ZNF585B: variants seen among roughly 807,000 people sequenced by gnomAD.
ZNF585B encodes zinc finger protein 585B.
In ZNF585B, 7 loss-of-function variants were observed where a neutral mutation model predicts 14.0. The ratio of observed to expected loss-of-function variants is 0.50; its 90% CI spans 0.28 to 0.94. The LOEUF (loss-of-function observed/expected upper bound fraction) is 0.94. ZNF585B is among the 40% of genes least tolerant of loss of function. The pLI is 0.09. For missense variants in ZNF585B, 750 were observed against 924.4 expected (o/e 0.81, Z 2.45); for synonymous variants, 290 against 317.3 (o/e 0.91, Z 0.91).
intron 1 of ZNF585B, among the ~76,000 whole-genome samples, chr19:37,208,919 G>T (rs536412299): frequency 2.6e-5 from 4 of 151,998 alleles, no homozygotes; most frequent in African/African-American, 9.6e-5. Flanking sequence ...TTGAACCAGG[G>T]AAGCAGAGGT....
chr19:37,194,552 G>GCACCACCTCC (rs1972438808), intron 2 of ZNF585B, among the ~76,000 whole-genome samples: 1 of 152,180 alleles, frequency 6.6e-6, no homozygotes, highest in Non-Finnish European at 1.5e-5. Context: ...GGTGGAGGTT[G>GCACCACCTCC]CAGTGAGCCA....
At chr19:37,204,908 G>A (rs1972570092) in intron 2 of ZNF585B, among the ~76,000 whole-genome samples, 1 of 151,984 alleles carries the variant, frequency 6.6e-6, no homozygotes, top group Non-Finnish European at 1.5e-5. Flanking sequence ...CACCATGCCT[G>A]ACAAATATTT....
chr19:37,185,387 G>A lies in ZNF585B; in HGVS notation c.2150C>T (p.Pro717Leu), dbSNP rs559988220. 1.2e-6 allele frequency: 2 copies of A among 1,614,076 alleles called. No homozygotes were observed. The highest frequency in any genetic ancestry group is 1.7e-6 in the Non-Finnish European group (2 of 1,180,008). Reference sequence around the variant, plus strand: ...CTTCCCACACTCAGCACACACGTAAGGCTTCTCTCCAGTGTGAATTCGCTG... The same window carrying A: ...CTTCCCACACTCAGCACACACGTAAAGCTTCTCTCCAGTGTGAATTCGCTG... The part of the protein sequence containing the change: ...VHQRIHTGEK[P>L]YVCAECGKAF... Residue 717 changes from proline to leucine, a missense_variant, in exon 5 of 5, where the codon CCT becomes CTT. Pro to Leu is a moderately conservative substitution (Grantham distance 98). Around this residue, in one of 2 missense-constraint regions of ZNF585B, gnomAD observed 233 missense variants for 354.1 expected, o/e 0.66. Coordinates refer to ENST00000532828, the MANE Select transcript of ZNF585B (RefSeq NM_152279.4).
At position 37,185,485 on chromosome 19, in the gene ZNF585B, A is replaced by G; in HGVS notation, c.2052T>C (p.His684=). ...TGCACTCATAAGGTTTCTCTCCAGT[A>G]TGAATTCTGTGATGTGTAATCAACT... ...KSELITHHRI[H]TGEKPYECSD... is the part of the protein sequence containing the mutation. The change falls in exon 5 of 5, where the codon CAT becomes CAC. Residue 684 remains histidine, a synonymous_variant. Coordinates refer to ENST00000532828, the MANE Select transcript of ZNF585B (RefSeq NM_152279.4). 6.2e-7 allele frequency: 1 copy of G among 1,612,648 alleles called. No individual in the cohort carries two copies. The highest frequency in any genetic ancestry group is 8.5e-7 in the Non-Finnish European group (1 of 1,179,380).
intron 2 of ZNF585B, among the ~76,000 whole-genome samples, chr19:37,197,725 T>C (rs1254932123): frequency 6.6e-6 from 1 of 152,256 alleles, no homozygotes; most frequent in Non-Finnish European, 1.5e-5. Context: ...ATTTCTCTGA[T>C]GACCAGTGAT....
chr19:37,192,154 T>A (rs1972408796), intron 2 of ZNF585B, among the ~76,000 whole-genome samples: 1 of 152,114 alleles, frequency 6.6e-6, no homozygotes, highest in Non-Finnish European at 1.5e-5. Context: ...GACACAGAAA[T>A]GAATTATTTA....
intron 2 of ZNF585B, among the ~76,000 whole-genome samples, chr19:37,206,437 G>A (rs1436284808): frequency 6.7e-6 from 1 of 148,166 alleles, no homozygotes; most frequent in African/African-American, 2.5e-5. Context: ...GGCAATGAGA[G>A]CAAAACTCTG....
rs2145426751 is a variant in ZNF585B at position 37,182,649 on chromosome 19, C to T, written c.*2578G>A. 1 of 152,298 alleles carries T rather than the reference C, an allele frequency of 6.6e-6. No individual in the cohort carries two copies. Among genetic ancestry groups the T allele is most frequent in the South Asian group, 2.1e-4 (1 of 4,820 alleles). The allele number at this position is 152,298 out of a possible 1,614,324, so 9.4% of individuals were successfully genotyped here. On this transcript the variant is annotated 3_prime_UTR_variant, in exon 5 of 5. Coordinates refer to ENST00000532828, the MANE Select transcript of ZNF585B (RefSeq NM_152279.4). ...TAAGGTGAGGTAATGGGATGTGTCA[C>T]CAAGCACTGCCCAACTAGGGCTTGG...
At chr19:37,208,537 T>C (rs948207444) in intron 1 of ZNF585B, among the ~76,000 whole-genome samples, 1 of 151,650 alleles carries the variant, frequency 6.6e-6, no homozygotes, top group Admixed American at 6.6e-5. Flanking sequence ...TTTTTCAATA[T>C]GTGATGATAG....
At position 37,198,240 on chromosome 19, in the gene ZNF585B, T is replaced by C. The variant is rs143504514; in HGVS notation, c.73-8090A>G. ...GGGTTGGAGTGTAATGGCGTGATCT[T>C]GGCTTACTGCAACCTCCGCCTCCCG... On this transcript the variant is annotated intron_variant, in intron 2 of 4. Coordinates refer to ENST00000532828, the MANE Select transcript of ZNF585B (RefSeq NM_152279.4). Among the ~76,000 whole-genome samples the C allele has an allele frequency of 3.4e-3, 516 of 152,154 alleles. 5 individuals are homozygous for C. Among genetic ancestry groups the C allele is most frequent in the African/African-American group, 0.012 (494 of 41,548 alleles).
chr19:37,208,326 C>A (rs146053629), intron 1 of ZNF585B, among the ~76,000 whole-genome samples: 1 of 152,102 alleles, frequency 6.6e-6, no homozygotes, highest in Non-Finnish European at 1.5e-5. Flanking sequence ...TAAATACATG[C>A]ATTTTTTAAA....
chr19:37,201,089 C>CAAAAAAA (rs34379718), intron 2 of ZNF585B, among the ~76,000 whole-genome samples: 2 of 106,680 alleles, frequency 1.9e-5, no homozygotes, highest in African/African-American at 3.3e-5. Flanking sequence ...GACTCCGTCT[C>CAAAAAAA]AAAAAAAAAA....
At chr19:37,205,461 C>G (rs1972575939) in intron 2 of ZNF585B, among the ~76,000 whole-genome samples, 1 of 152,088 alleles carries the variant, frequency 6.6e-6, no homozygotes, top group Non-Finnish European at 1.5e-5. Flanking sequence ...TTTTACCAAA[C>G]AAACATTAAA....
chr19:37,209,254 A>G (rs1425638899), intron 1 of ZNF585B, among the ~76,000 whole-genome samples: 1 of 151,778 alleles, frequency 6.6e-6, no homozygotes, highest in Non-Finnish European at 1.5e-5. Context: ...ACAGGCACCC[A>G]CCACCACACC....
At chr19:37,188,810 AT>A (rs1394060165) in intron 4 of ZNF585B, among the ~76,000 whole-genome samples, 2 of 152,200 alleles carry the variant, frequency 1.3e-5, no homozygotes, top group African/African-American at 4.8e-5. Flanking sequence ...ATTCCCAAAG[AT>A]TAAGTGACAA....
At chr19:37,192,808 T>TAAA (rs1189842500) in intron 2 of ZNF585B, among the ~76,000 whole-genome samples, 2 of 149,666 alleles carry the variant, frequency 1.3e-5, no homozygotes, top group Non-Finnish European at 3.0e-5. Flanking sequence ...AGACTCCATC[T>TAAA]CAAAAATAAA....
chr19:37,186,915 G>A lies in ZNF585B; in HGVS notation c.622C>T (p.His208Tyr). ...CATTCATATAGTTTTTCTCCGGTATGAATTCTGTGATGCCTGAAAAGAGAC... is the reference window on the plus strand; with the variant it reads ...CATTCATATAGTTTTTCTCCGGTATAAATTCTGTGATGCCTGAAAAGAGAC... The part of the protein sequence containing the change: ...VSSLFRHHRI[H>Y]TGEKLYECSE... Residue 208 changes from histidine (H) to tyrosine (Y), a missense_variant, in exon 5 of 5, where the codon CAT becomes TAT. His to Tyr is a moderately conservative substitution (Grantham distance 83). This residue lies in a region of ZNF585B where 517 missense variants were observed against 570.3 expected (regional missense o/e 0.91). Coordinates refer to ENST00000532828, the MANE Select transcript of ZNF585B (RefSeq NM_152279.4). 1 of 1,614,084 alleles carries A rather than the reference G, an allele frequency of 6.2e-7. No homozygotes were observed. The highest frequency in any genetic ancestry group is 8.5e-7 in the Non-Finnish European group (1 of 1,179,996).
rs923797167 is a variant in ZNF585B, at chr19:37,210,425, C to G, written c.-144+16G>C. 2 of 152,272 alleles carry G rather than the reference C, an allele frequency of 1.3e-5. No homozygotes were observed. Among genetic ancestry groups the G allele is most frequent in the Non-Finnish European group, 2.9e-5 (2 of 68,050 alleles). 9.4% of individuals were successfully genotyped at this position (152,272 alleles called of 1,614,324 possible). A position where few individuals can be genotyped will look rare whatever the true frequency, so the allele number is the denominator to read the frequency against. Reference sequence around the variant, plus strand: ...CCTCTATTACTGACTTCACAGAATCCCTAATTGCAACCAACCAAAATCGTC... The same window carrying G: ...CCTCTATTACTGACTTCACAGAATCGCTAATTGCAACCAACCAAAATCGTC... On this transcript the variant is annotated intron_variant, in intron 1 of 4. Coordinates refer to ENST00000532828, the MANE Select transcript of ZNF585B (RefSeq NM_152279.4).
At chr19:37,197,338 C>G (rs1599766257) in intron 2 of ZNF585B, among the ~76,000 whole-genome samples, 3 of 152,156 alleles carry the variant, frequency 2.0e-5, no homozygotes, top group Admixed American at 1.3e-4. Context: ...GCATAGTATT[C>G]CATGGTGTAT....
Sources: allele counts gnomAD v4.1 joint callset (sites outside exome capture counted in the v4.1 genomes callset), GRCh38; gene constraint gnomAD v4.1.1; regional missense constraint gnomAD v4.1.1; transcripts MANE v1.5; gene names NCBI Gene and HGNC (gene_info 2026-07-23, HGNC 2026-07-21).